Variants in IGF2BP1 observed in about 807,000 individuals in gnomAD.
IGF2BP1 encodes insulin-like growth factor 2 mRNA-binding protein 1.
Under a neutral mutation model 74.9 loss-of-function variants are expected in IGF2BP1, and 11 were observed. That is an observed-to-expected ratio of 0.15 (90% CI 0.09 to 0.24). IGF2BP1 has a LOEUF of 0.24. Among genes scored for constraint, IGF2BP1 ranks in the 10% least tolerant of loss-of-function variants. The pLI is 1.00. For synonymous variants in IGF2BP1, 287 were observed against 281.8 expected, an observed-to-expected ratio of 1.02 and a Z score of -0.18; for missense variants, 440 against 757.4, an observed-to-expected ratio of 0.58 and a Z score of 4.92.
chr17:49,037,670 T>C (rs1404697409), intron 5 of IGF2BP1, among the ~76,000 whole-genome samples: 1 of 152,216 alleles, frequency 6.6e-6, no homozygotes, highest in African/African-American at 2.4e-5. Flanking sequence ...CCTTTGACCT[T>C]GGTTTCATCA....
chr17:49,026,739 GCCTGCCTTCCTGCCTT>G (rs796116756), intron 4 of IGF2BP1, among the ~76,000 whole-genome samples: 11 of 110,144 alleles, frequency 1.0e-4, no homozygotes, highest in East Asian at 2.5e-4. Flanking sequence ...CTGCCTTCCT[GCCTGCCTTCCTGCCTT>G]CCTGCCTTCC....
At chr17:49,031,882 C>T (rs1381194757) in intron 4 of IGF2BP1, 28 bp from the exon 5 acceptor site, 4 of 1,608,120 alleles carry the variant, frequency 2.5e-6, no homozygotes, top group South Asian at 1.1e-5. Flanking sequence ...TTTCCCTGCT[C>T]TGAGGTTATC....
intron 4 of IGF2BP1, among the ~76,000 whole-genome samples, chr17:49,031,249 A>G (rs1230040921): frequency 6.6e-6 from 1 of 152,102 alleles, no homozygotes; most frequent in East Asian, 1.9e-4. Flanking sequence ...CTGGGACTAC[A>G]AGGGTGCACC....
intron 2 of IGF2BP1, among the ~76,000 whole-genome samples, chr17:49,008,668 CTCTCT>C (rs1231956824): frequency 6.6e-6 from 1 of 152,210 alleles, no homozygotes; most frequent in African/African-American, 2.4e-5. Context: ...AACTCCTTTG[CTCTCT>C]TCTCTTAAAA....
chr17:49,023,876 G>A (rs1003533893), intron 2 of IGF2BP1, among the ~76,000 whole-genome samples: 3 of 151,298 alleles, frequency 2.0e-5, no homozygotes, highest in Non-Finnish European at 4.4e-5. Context: ...CGAGTGATCT[G>A]GGAGTCGACC....
At chr17:49,047,699 C>G (rs2042120457) in intron 14 of IGF2BP1, among the ~76,000 whole-genome samples, 1 of 151,142 alleles carries the variant, frequency 6.6e-6, no homozygotes, top group Non-Finnish European at 1.5e-5. Context: ...TTTTCCCAAC[C>G]TAGATCAACT....
chr17:49,009,464 C>G (rs2041589469), intron 2 of IGF2BP1, among the ~76,000 whole-genome samples: 5 of 151,956 alleles, frequency 3.3e-5, no homozygotes. Context: ...AATCCCAGCA[C>G]TTTGGGAGGC....
rs1411705577 is a variant in IGF2BP1 at position 49,046,367 on chromosome 17, C to G, written c.1635C>G (p.Ala545=). ...VIVKIIGHFY[A]SQMAQRKIRD... ...TGAAAATCATCGGACATTTCTATGC[C>G]AGTCAGGTACATATGGTGCTCCCCC... The change falls in exon 14 of 15, where the codon GCC becomes GCG. Residue 545 remains alanine (A), a synonymous_variant. Transcript: ENST00000290341. 6.2e-7 allele frequency: 1 copy of G among 1,611,686 alleles called. No individual in the cohort carries two copies. Among genetic ancestry groups the G allele is most frequent in the African/African-American group, 1.3e-5 (1 of 74,972 alleles).
chr17:49,010,045 A>C (rs1217634176), intron 2 of IGF2BP1, among the ~76,000 whole-genome samples: 1 of 152,180 alleles, frequency 6.6e-6, no homozygotes, highest in African/African-American at 2.4e-5. Flanking sequence ...GCGCCACTGC[A>C]CTCCAGCCTG....
intron 2 of IGF2BP1, among the ~76,000 whole-genome samples, chr17:49,001,743 C>G (rs2041490474): frequency 6.6e-6 from 1 of 152,028 alleles, no homozygotes; most frequent in African/African-American, 2.4e-5. Context: ...TGTATATGTT[C>G]ACTGCCAGAT....
At chr17:49,000,170 A>C (rs1178382168) in intron 2 of IGF2BP1, among the ~76,000 whole-genome samples, 1 of 152,070 alleles carries the variant, frequency 6.6e-6, no homozygotes, top group Non-Finnish European at 1.5e-5. Flanking sequence ...GTTTGCTCTC[A>C]TGTCCCAAGC....
At chr17:49,034,435 A>T in intron 5 of IGF2BP1, among the ~76,000 whole-genome samples, 1 of 149,716 alleles carries the variant, frequency 6.7e-6, no homozygotes, top group African/African-American at 2.5e-5. Context: ...TTTTTTTTAA[A>T]CCTCAAAATC....
At chr17:49,030,417 C>G (rs951616270) in intron 4 of IGF2BP1, among the ~76,000 whole-genome samples, 1 of 152,014 alleles carries the variant, frequency 6.6e-6, no homozygotes, top group Non-Finnish European at 1.5e-5. Flanking sequence ...GCTGGGATTA[C>G]AGGCGTGAGC....
intron 6 of IGF2BP1, 25 bp from the exon 7 acceptor site, chr17:49,039,932 C>G (rs1598155223): frequency 6.2e-7 from 1 of 1,610,934 alleles, no homozygotes. Flanking sequence ...GGACAACTAA[C>G]CAGCCTTGTC....
At chr17:49,041,194 T>C (rs2144126655) in intron 7 of IGF2BP1, among the ~76,000 whole-genome samples, 184 bp from the exon 8 acceptor site, 1 of 152,218 alleles carries the variant, frequency 6.6e-6, no homozygotes, top group East Asian at 1.9e-4. Context: ...ATAAAACAAA[T>C]TGGCTTTATT....
chr17:49,022,612 C>G (rs570233482), intron 2 of IGF2BP1, among the ~76,000 whole-genome samples: 60 of 152,226 alleles, frequency 3.9e-4, no homozygotes, highest in Admixed American at 1.1e-3. Flanking sequence ...CCTCCTCCCC[C>G]TCCCTCTCCT....
At chr17:49,028,499 C>A (rs750506660) in intron 4 of IGF2BP1, among the ~76,000 whole-genome samples, 61 of 152,344 alleles carry the variant, frequency 4.0e-4, no homozygotes, top group Middle Eastern at 3.4e-3. Flanking sequence ...CTGCCCAGTA[C>A]TGTTCACAGT....
At chr17:49,033,742 A>G (rs2041950820) in intron 5 of IGF2BP1, among the ~76,000 whole-genome samples, 2 of 152,210 alleles carry the variant, frequency 1.3e-5, no homozygotes, top group East Asian at 3.8e-4. Context: ...CATACCAAAT[A>G]TACTGAGACT....
intron 13 of IGF2BP1, 64 bp from the exon 14 acceptor site, chr17:49,046,196 C>T: frequency 3.4e-6 from 5 of 1,491,350 alleles, no homozygotes; most frequent in Non-Finnish European, 4.7e-6. Context: ...CACCCTGGCT[C>T]CTCCCTCCAA....
Sources: gnomAD v4.1 joint callset for allele counts (sites outside exome capture counted in the v4.1 genomes callset) on GRCh38, gnomAD v4.1.1 for gene constraint, MANE v1.5 for transcripts, NCBI Gene and HGNC (gene_info 2026-07-23, HGNC 2026-07-21) for gene names.